GRXCR1: variants seen among roughly 807,000 people sequenced by gnomAD.
GRXCR1 encodes the protein glutaredoxin and cysteine rich domain containing 1, also known as glutaredoxin domain-containing cysteine-rich protein 1.
Under a neutral mutation model 27.3 loss-of-function variants are expected in GRXCR1, and 27 were observed. That is an observed-to-expected ratio of 0.99 (90% CI 0.73 to 1.37). The LOEUF is 1.37. Among genes scored for constraint, GRXCR1 ranks in the 40% most tolerant of loss-of-function variants. The pLI is 0.00. For synonymous variants in GRXCR1, 122 were observed against 131.1 expected (o/e 0.93, Z 0.47); for missense variants, 379 against 354.4 (o/e 1.07, Z -0.56).
chr4:42,925,481 T>A (rs1747138968), intron 1 of GRXCR1, among the ~76,000 whole-genome samples: 1 of 152,082 alleles, frequency 6.6e-6, no homozygotes, highest in South Asian at 2.1e-4. Context: ...AGCAGCCCAG[T>A]TAACCAAATT....
intron 1 of GRXCR1, among the ~76,000 whole-genome samples, chr4:42,907,088 C>T (rs745380696): frequency 4.6e-5 from 7 of 152,090 alleles, no homozygotes; most frequent in African/African-American, 1.4e-4. Context: ...GGGAAGAAAG[C>T]GAAACAAGGT....
At chr4:42,894,367 TAAC>T (rs35186930) in intron 1 of GRXCR1, among the ~76,000 whole-genome samples, 7,864 of 152,214 alleles carry the variant, frequency 0.052, 264 homozygotes, top group African/African-American at 0.088. Flanking sequence ...GATCTAATGT[TAAC>T]AAGTTTTTGA....
At chr4:43,012,819 G>A (rs761982673) in intron 2 of GRXCR1, among the ~76,000 whole-genome samples, 2 of 151,936 alleles carry the variant, frequency 1.3e-5, no homozygotes, top group Non-Finnish European at 2.9e-5. Flanking sequence ...CTTAATCACT[G>A]CGTTCTAAAA....
At chr4:42,897,841 G>C (rs1022126944) in intron 1 of GRXCR1, among the ~76,000 whole-genome samples, 2 of 151,394 alleles carry the variant, frequency 1.3e-5, no homozygotes, top group African/African-American at 4.8e-5. Context: ...ATGTTATTTT[G>C]CATTTTACAC....
intron 2 of GRXCR1, among the ~76,000 whole-genome samples, chr4:42,999,890 T>A (rs913094387): frequency 6.6e-6 from 1 of 152,220 alleles, no homozygotes; most frequent in Non-Finnish European, 1.5e-5. Context: ...TATCAGATGG[T>A]TGCTGGAATT....
Position 42,893,589 on chromosome 4 carries a change from G to T in GRXCR1, c.323G>T (p.Gly108Val). 1.9e-6 allele frequency: 3 copies of T among 1,613,672 alleles called. No individual in the cohort carries two copies. The highest frequency in any genetic ancestry group is 2.5e-6 in the Non-Finnish European group (3 of 1,179,764). Residue 108 changes from glycine to valine, a missense_variant, in exon 1 of 4, where the codon GGC becomes GTC. Coordinates refer to ENST00000399770, the MANE Select transcript of GRXCR1 (RefSeq NM_001080476.3). The part of the protein sequence containing the change: ...NILSKNGTVR[G>V]VKYKVSAGQA... The stretch of plus-strand genomic sequence containing the variant: ...TTAAGCAAAAATGGCACAGTCAGAG[G>T]CGTCAAATACAAAGTGAGTGCTGGC...
chr4:42,934,828 G>C (rs1747419864), intron 1 of GRXCR1, among the ~76,000 whole-genome samples: 1 of 151,960 alleles, frequency 6.6e-6, no homozygotes, highest in Admixed American at 6.6e-5. Context: ...ACGAGGCCAT[G>C]TCAATGAGCT....
chr4:42,909,065 G>C (rs1369788890), intron 1 of GRXCR1, among the ~76,000 whole-genome samples: 1 of 152,186 alleles, frequency 6.6e-6, no homozygotes, highest in Non-Finnish European at 1.5e-5. Flanking sequence ...CCCAGTGGTT[G>C]TGAGCTGAAC....
At chr4:42,904,261 C>T (rs963202195) in intron 1 of GRXCR1, among the ~76,000 whole-genome samples, 2 of 152,198 alleles carry the variant, frequency 1.3e-5, no homozygotes, top group Non-Finnish European at 2.9e-5. Context: ...AGATGCCCAA[C>T]TTTCGCTCCT....
rs746701724 is a variant in GRXCR1, at chr4:43,030,379, G to A, written c.712G>A (p.Glu238Lys). The A allele has an allele frequency of 5.6e-6, 9 of 1,613,754 alleles. No individual in the cohort carries two copies. In the East Asian group the frequency reaches 6.7e-5, roughly 12 times the overall value. Residue 238 changes from glutamate (E) to lysine (K), a missense_variant, in exon 4 of 4, where the codon GAG becomes AAG. Physicochemically the swap from Glu to Lys is moderately conservative, Grantham distance 56 (BLOSUM62 1). Transcript: ENST00000399770. Reference protein sequence around the residue: ...TKIERVQHPHECPSCGGFGFL... With the variant: ...TKIERVQHPHKCPSCGGFGFL... ...TATACAGAGAGTACAGCATCCACATGAGTGTCCCTCTTGTGGAGGCTTTGG... is the reference window on the plus strand; with the variant it reads ...TATACAGAGAGTACAGCATCCACATAAGTGTCCCTCTTGTGGAGGCTTTGG...
intron 2 of GRXCR1, among the ~76,000 whole-genome samples, chr4:43,000,318 A>G (rs1450821750): frequency 6.6e-6 from 1 of 152,026 alleles, no homozygotes; most frequent in Non-Finnish European, 1.5e-5. Context: ...TCTAGTAACA[A>G]TACAAAAATT....
intron 2 of GRXCR1, among the ~76,000 whole-genome samples, chr4:43,007,565 C>T (rs1272696010): frequency 6.6e-6 from 1 of 152,132 alleles, no homozygotes; most frequent in Non-Finnish European, 1.5e-5. Context: ...AAGAATAAAA[C>T]CAGGGAGGTG....
chr4:42,983,301 A>C (rs1240111419), intron 2 of GRXCR1, among the ~76,000 whole-genome samples: 8 of 145,190 alleles, frequency 5.5e-5, no homozygotes, highest in Admixed American at 1.4e-4. Context: ...AGCACCATTT[A>C]TTAAATAGGG....
At position 42,933,792 on chromosome 4, in the gene GRXCR1, A is replaced by T. The variant is rs141977613; in HGVS notation, c.385-29100A>T. On this transcript the variant is annotated intron_variant, in intron 1 of 3. Coordinates refer to ENST00000399770, the MANE Select transcript of GRXCR1 (RefSeq NM_001080476.3). ...ATCTAGTAGAGCTTTTATCTCAGACATCCCAGCTTTCAGAACTGTTGTTTA... is the reference window on the plus strand; with the variant it reads ...ATCTAGTAGAGCTTTTATCTCAGACTTCCCAGCTTTCAGAACTGTTGTTTA... Among the ~76,000 whole-genome samples the T allele has an allele frequency of 8.2e-4, 125 of 152,082 alleles. 1 individual carries two copies. Among genetic ancestry groups the T allele is most frequent in the African/African-American group, 2.9e-3 (122 of 41,542 alleles).
Position 43,030,344 on chromosome 4 carries a change from C to G in GRXCR1, c.694-17C>G, listed in dbSNP as rs1026306209. The G allele has an allele frequency of 6.2e-7, 1 of 1,612,444 alleles. No homozygotes were observed. Among genetic ancestry groups the G allele is most frequent in the Non-Finnish European group, 8.5e-7 (1 of 1,179,406 alleles). ...CACATCCTCTGTTTTCTCTTGTTCC[C>G]CTGCCACCTTATACAGAGAGTACAG... On this transcript the variant is annotated splice_polypyrimidine_tract_variant and intron_variant, in intron 3 of 3. Coordinates refer to ENST00000399770, the MANE Select transcript of GRXCR1 (RefSeq NM_001080476.3).
At chr4:42,946,700 CTT>C (rs978194427) in intron 1 of GRXCR1, among the ~76,000 whole-genome samples, 1 of 152,126 alleles carries the variant, frequency 6.6e-6, no homozygotes, top group African/African-American at 2.4e-5. Context: ...CCTCTGGCCT[CTT>C]TTATAAAGGC....
At chr4:42,909,362 C>T (rs1015772068) in intron 1 of GRXCR1, among the ~76,000 whole-genome samples, 2 of 152,104 alleles carry the variant, frequency 1.3e-5, no homozygotes, top group South Asian at 4.1e-4. Flanking sequence ...CTCCCCCATA[C>T]CCCGAAGTTA....
chr4:43,016,767 G>A (rs764593732), intron 2 of GRXCR1, among the ~76,000 whole-genome samples: 3 of 152,192 alleles, frequency 2.0e-5, no homozygotes, highest in Middle Eastern at 3.4e-3. Context: ...GAATGAGTAC[G>A]GTAGCACACT....
chr4:43,027,024 A>G (rs1247549745), intron 3 of GRXCR1, among the ~76,000 whole-genome samples: 1 of 152,250 alleles, frequency 6.6e-6, no homozygotes, highest in Non-Finnish European at 1.5e-5. Context: ...AAGGCGAAGT[A>G]TGGAACAAGT....
Sources: allele counts gnomAD v4.1 joint callset (sites outside exome capture counted in the v4.1 genomes callset), GRCh38; gene constraint gnomAD v4.1.1; transcripts MANE v1.5; gene names NCBI Gene and HGNC (gene_info 2026-07-23, HGNC 2026-07-21).